Variants in ATP2A1 observed in about 807,000 individuals in gnomAD.
The protein encoded by ATP2A1 is ATPase sarcoplasmic/endoplasmic reticulum Ca2+ transporting 1, also known as sarcoplasmic/endoplasmic reticulum calcium ATPase 1.
A neutral mutation model predicts 109.5 loss-of-function variants in ATP2A1; 83 were observed. That is an observed-to-expected ratio of 0.76 (90% confidence interval 0.63 to 0.91). The LOEUF (loss-of-function observed/expected upper bound fraction) is 0.91, where lower values mean the gene tolerates loss of function less well. ATP2A1 is among the 40% of genes least tolerant of loss of function. ATP2A1 has a pLI of 0.00. For missense variants in ATP2A1, 1,101 were observed against 1,341.0 expected, an observed-to-expected ratio of 0.82 and a Z score of 2.80; for synonymous variants, 505 against 537.6, an observed-to-expected ratio of 0.94 and a Z score of 0.84.
Position 28,883,224 on chromosome 16 carries a change from G to A in ATP2A1, c.463+635G>A, listed in dbSNP as rs966368945. 6.6e-6 allele frequency among the ~76,000 whole-genome samples: 1 copy of A among 152,218 alleles called. No individual in the cohort carries two copies. The highest frequency in any genetic ancestry group is 1.5e-5 in the Non-Finnish European group (1 of 68,030). ...GCGGTTTTTATGTTTGCCCTGAGCA[G>A]GCCTTCCCGAAGCTCCAGGCCCCTG... On this transcript the variant is annotated intron_variant, in intron 5 of 22. Coordinates refer to ENST00000395503, the MANE Select transcript of ATP2A1 (RefSeq NM_004320.6). The surrounding 1 kb of genome is among the most constrained non-coding windows in gnomAD (Gnocchi z 5.2).
chr16:28,900,468 CCCCT>C, intron 14 of ATP2A1, 109 bp from the exon 15 acceptor site: 2 of 850,920 alleles, frequency 2.4e-6, no homozygotes, highest in Non-Finnish European at 1.7e-6. Context: ...AGGCTTCCCA[CCCCT>C]CCCCACCACT....
intron 12 of ATP2A1, among the ~76,000 whole-genome samples, chr16:28,895,363 G>A (rs1203577382): frequency 3.3e-5 from 5 of 152,142 alleles, no homozygotes; most frequent in Non-Finnish European, 7.3e-5. Flanking sequence ...GCCTTTCCTT[G>A]CCCAGATGAA....
At position 28,880,064 on chromosome 16, in the gene ATP2A1, GTGA is replaced by G. The variant is rs2039636226; in HGVS notation, c.219+488_219+490del. The G allele has an allele frequency of 6.0e-6, 6 of 1,004,860 alleles. No individual in the cohort carries two copies. The highest frequency in any genetic ancestry group is 7.1e-6 in the Non-Finnish European group (6 of 845,064). 62.2% of individuals were successfully genotyped at this position (1,004,860 alleles called of 1,614,324 possible). A position where few individuals can be genotyped will look rare whatever the true frequency, so the allele number is the denominator to read the frequency against. On this transcript the variant is annotated intron_variant, in intron 3 of 22. Transcript: ENST00000395503. The surrounding 1 kb of genome is among the most constrained non-coding windows in gnomAD (Gnocchi z 4.2). ...CCTAGTGGCGGGAAAGCGCGGCGGT[GTGA>G]TGATGACTCCAAGGAGCCCGGCGCC...
chr16:28,894,455 C>G (rs750884057), intron 10 of ATP2A1, 50 bp from the exon 11 acceptor site: 13 of 1,561,742 alleles, frequency 8.3e-6, no homozygotes, highest in Admixed American at 3.5e-5. Context: ...ATCTCATTCC[C>G]TGTTCTTCTC....
chr16:28,894,229 T>C lies in ATP2A1; in HGVS notation c.1170T>C (p.Ala390=). ...NEFSITGSTY[A]PEGEVLKNDK... ...TCTCCATCACCGGCTCCACTTACGC[T>C]CCAGAGGGAGAGGTGTAAGTCACCC... Residue 390 remains alanine (A), a synonymous_variant, in exon 10 of 23, where the codon GCT becomes GCC. Coordinates refer to ENST00000395503, the MANE Select transcript of ATP2A1 (RefSeq NM_004320.6). The C allele has an allele frequency of 1.2e-6, 2 of 1,613,856 alleles. No individual in the cohort carries two copies. The highest frequency in any genetic ancestry group is 1.7e-6 in the Non-Finnish European group (2 of 1,179,920).
At chr16:28,887,346 G>T (rs1963642178) in intron 7 of ATP2A1, 72 bp downstream of exon 7, 1 of 1,612,432 alleles carries the variant, frequency 6.2e-7, no homozygotes, top group East Asian at 2.2e-5. Context: ...AACATGGCGT[G>T]TGAGAAGAGA....
At chr16:28,882,728 CAT>C in intron 5 of ATP2A1, 139 bp downstream of exon 5, 1 of 1,336,800 alleles carries the variant, frequency 7.5e-7, no homozygotes, top group Non-Finnish European at 1.0e-6. Flanking sequence ...CTCAGAAGGT[CAT>C]CCCAGGCCAC....
At position 28,904,271 on chromosome 16, in the gene ATP2A1, A is replaced by AC; in HGVS notation, c.*134dup. Reference sequence around the variant, plus strand: ...ATCTTCAGGCAGAGCTGTGGCACAGACCCCCGTCCTGTCCCCCACACCCGT... The same window carrying AC: ...ATCTTCAGGCAGAGCTGTGGCACAGACCCCCCGTCCTGTCCCCCACACCCGT... On this transcript the variant is annotated 3_prime_UTR_variant, in exon 23 of 23. Coordinates refer to ENST00000395503, the MANE Select transcript of ATP2A1 (RefSeq NM_004320.6). 1.2e-5 allele frequency: 20 copies of AC among 1,612,028 alleles called. No individual in the cohort carries two copies. Among genetic ancestry groups the AC allele is most frequent in the Admixed American group, 1.7e-5 (1 of 59,922 alleles).
At chr16:28,894,316 C>T (rs1267632865) in intron 10 of ATP2A1, 73 bp downstream of exon 10, 14 of 1,479,002 alleles carry the variant, frequency 9.5e-6, no homozygotes, top group East Asian at 2.3e-5. Flanking sequence ...TGGGGCCCTC[C>T]ATGTGGTTTT....
In ATP2A1 at chr16:28,902,229, G is replaced by A. The variant is rs776296218; in HGVS notation, c.2367G>A (p.Pro789=). Residue 789 remains proline (P), a synonymous_variant, in exon 17 of 23, where the codon CCG becomes CCA. Transcript: ENST00000395503. The surrounding 1 kb of genome is among the most constrained non-coding windows in gnomAD (Gnocchi z 4.8). ...AALGLPEALI[P]VQLLWVNLVT... ...TGGGGCTGCCTGAGGCCCTGATCCCGGTGCAGCTGCTATGGGTGAACTTGG... is the reference window on the plus strand; with the variant it reads ...TGGGGCTGCCTGAGGCCCTGATCCCAGTGCAGCTGCTATGGGTGAACTTGG... The A allele has an allele frequency of 1.1e-5, 18 of 1,613,970 alleles. No homozygotes were observed. The highest frequency in any genetic ancestry group is 5.3e-5 in the African/African-American group (4 of 74,898).
intron 5 of ATP2A1, 133 bp downstream of exon 5, chr16:28,882,722 G>C (rs1388966575): frequency 1.4e-6 from 2 of 1,409,302 alleles, no homozygotes; most frequent in Non-Finnish European, 1.9e-6. Flanking sequence ...CGACTCCTCA[G>C]AAGGTCATCC....
intron 9 of ATP2A1, 93 bp from the exon 10 acceptor site, chr16:28,894,062 T>G (rs1596677386): frequency 9.8e-7 from 1 of 1,021,024 alleles, no homozygotes. Flanking sequence ...GGTGGGAAGG[T>G]AGGTGTTGGC....
chr16:28,904,021 G>C (rs892105533), intron 22 of ATP2A1, among the ~76,000 whole-genome samples, 159 bp from the exon 23 acceptor site: 4 of 152,020 alleles, frequency 2.6e-5, no homozygotes, highest in Non-Finnish European at 4.4e-5. Flanking sequence ...GCTGCAGTGG[G>C]GGGGGGCGGG....
At chr16:28,896,989 G>A (rs1963936198) in intron 12 of ATP2A1, among the ~76,000 whole-genome samples, 1 of 152,032 alleles carries the variant, frequency 6.6e-6, no homozygotes, top group Non-Finnish European at 1.5e-5. Flanking sequence ...GCTGAGGCAG[G>A]AGAATGGCTT....
At position 28,882,488 on chromosome 16, in the gene ATP2A1, A is replaced by G. The variant is rs1555514985; in HGVS notation, c.362A>G (p.Glu121Gly). The change falls in exon 5 of 23, where the codon GAG (glutamate) becomes GGG (glycine). Residue 121 changes from glutamate to glycine, a missense_variant. Coordinates refer to ENST00000395503, the MANE Select transcript of ATP2A1 (RefSeq NM_004320.6). ...NAENAIEALK[E>G]YEPEMGKVYR... ...GAGAACGCCATCGAGGCCCTGAAGG[A>G]GTATGAGCCAGAGATGGGGAAGGTC... 1 of 1,614,160 alleles carries G rather than the reference A, an allele frequency of 6.2e-7. No homozygotes were observed. Among genetic ancestry groups the G allele is most frequent in the Non-Finnish European group, 8.5e-7 (1 of 1,180,024 alleles).
chr16:28,879,405 A>T lies in ATP2A1; in HGVS notation c.137-96A>T, dbSNP rs892936101. 3 of 1,181,590 alleles carry T rather than the reference A, an allele frequency of 2.5e-6. No homozygotes were observed. In the African/African-American group the frequency reaches 4.5e-5, roughly 18 times the overall value. The allele number at this position is 1,181,590 out of a possible 1,614,324, so 73.2% of individuals were successfully genotyped here. A position where few individuals can be genotyped will look rare whatever the true frequency, so the allele number is the denominator to read the frequency against. The stretch of plus-strand genomic sequence containing the variant: ...CCAAGCTGTCTGCCCACCACCCTAG[A>T]GCCTCCCCACTGCAGGCCGGAGTCC... On this transcript the variant is annotated intron_variant, in intron 2 of 22. Transcript: ENST00000395503.
Position 28,902,133 on chromosome 16 carries a change from G to A in ATP2A1, c.2321+50G>A. On this transcript the variant is annotated intron_variant, in intron 16 of 22. Coordinates refer to ENST00000395503, the MANE Select transcript of ATP2A1 (RefSeq NM_004320.6). This position sits in a 1 kb window ranked among gnomAD's most constrained non-coding sequence, Gnocchi z 4.8. ...GAGGAAGCCGGGGTTAGGGTGGGGT[G>A]GCTGCAGGTCTGGGAGGCAGGACAG... The A allele has an allele frequency of 6.2e-7, 1 of 1,613,868 alleles. No individual in the cohort carries two copies.
intron 9 of ATP2A1, among the ~76,000 whole-genome samples, chr16:28,891,666 C>T (rs926686007): frequency 2.7e-5 from 4 of 146,636 alleles, no homozygotes; most frequent in African/African-American, 7.6e-5. Context: ...CCAAGGCGGA[C>T]GGATTACCTG....
Position 28,894,624 on chromosome 16 carries a change from C to A in ATP2A1, c.1287+17C>A, listed in dbSNP as rs1450090593. On this transcript the variant is annotated intron_variant, in intron 11 of 22. Transcript: ENST00000395503. ...TTCAACGAGGTAACCTCTCCTTCCCCTTCCAGTTGGCTCAGAGTCTGGGCC... is the reference window on the plus strand; with the variant it reads ...TTCAACGAGGTAACCTCTCCTTCCCATTCCAGTTGGCTCAGAGTCTGGGCC... 10 of 1,613,438 alleles carry A rather than the reference C, an allele frequency of 6.2e-6. No individual in the cohort carries two copies. The highest frequency in any genetic ancestry group is 8.5e-6 in the Non-Finnish European group (10 of 1,179,602).
Sources: allele counts gnomAD v4.1 joint callset (sites outside exome capture counted in the v4.1 genomes callset), GRCh38; gene constraint gnomAD v4.1.1; non-coding constraint Gnocchi (gnomAD v3.1); transcripts MANE v1.5; gene names NCBI Gene and HGNC (gene_info 2026-07-23, HGNC 2026-07-21).